The following GREM2 variants were observed in gnomAD, a reference collection of about 807,000 sequenced individuals.
The protein encoded by GREM2 is gremlin 2, DAN family BMP antagonist.
GREM2 carries 11 observed loss-of-function variants against 14.2 expected under a neutral mutation model. The ratio of observed to expected loss-of-function variants is 0.78; its 90% CI spans 0.49 to 1.28. The LOEUF (loss-of-function observed/expected upper bound fraction) is 1.28. GREM2 is among the 50% of genes most tolerant of loss of function. The probability of loss-of-function intolerance (pLI) is 0.00; values close to 1 mark genes in which losing one functional copy is unlikely to be tolerated. For missense variants in GREM2, 210 were observed against 218.5 expected, an observed-to-expected ratio of 0.96 and a Z score of 0.24; for synonymous variants, 98 against 97.6, an observed-to-expected ratio of 1.00 and a Z score of -0.02.
intron 1 of GREM2, among the ~76,000 whole-genome samples, chr1:240,594,996 C>T (rs1370264724): frequency 6.6e-6 from 1 of 152,154 alleles, no homozygotes; most frequent in East Asian, 1.9e-4. Flanking sequence ...ATCATATATG[C>T]AGTTTGTCTT....
At chr1:240,609,045 C>A (rs1371836978) in intron 1 of GREM2, among the ~76,000 whole-genome samples, 1 of 152,232 alleles carries the variant, frequency 6.6e-6, no homozygotes, top group East Asian at 1.9e-4. Context: ...TTCAGGATGT[C>A]TCATCAAAAA....
chr1:240,509,660 A>G lies in GREM2; in HGVS notation c.-1-16184T>C, dbSNP rs568866181. Among the ~76,000 whole-genome samples, 66 of 151,906 alleles carry G rather than the reference A, an allele frequency of 4.3e-4. No individual in the cohort carries two copies. In the South Asian group the frequency reaches 0.011, roughly 25 times the overall value. On this transcript the variant is annotated intron_variant, in intron 1 of 1. Transcript: ENST00000318160. Reference sequence around the variant, plus strand: ...TGGGATTACAGGCATGAGCCACTGCACCCGGTGCTCATTTGACTCTTATGA... The same window carrying G: ...TGGGATTACAGGCATGAGCCACTGCGCCCGGTGCTCATTTGACTCTTATGA...
chr1:240,568,417 G>A (rs1679203993), intron 1 of GREM2, among the ~76,000 whole-genome samples: 1 of 151,896 alleles, frequency 6.6e-6, no homozygotes, highest in East Asian at 1.9e-4. Context: ...GAAGTAAAGT[G>A]GAACAAAGAA....
chr1:240,510,242 C>T (rs1056033248), intron 1 of GREM2, among the ~76,000 whole-genome samples: 44 of 151,662 alleles, frequency 2.9e-4, no homozygotes, highest in Non-Finnish European at 4.6e-4. Context: ...TGGTGGCGGG[C>T]GCCTGTAGTC....
chr1:240,569,981 G>A (rs1327337963), intron 1 of GREM2, among the ~76,000 whole-genome samples: 2 of 152,078 alleles, frequency 1.3e-5, no homozygotes, highest in Non-Finnish European at 2.9e-5. Flanking sequence ...TTTGCCTCCT[G>A]CTGGATTTTT....
chr1:240,521,582 A>G (rs1178303986), intron 1 of GREM2, among the ~76,000 whole-genome samples: 2 of 152,242 alleles, frequency 1.3e-5, no homozygotes, highest in Admixed American at 1.3e-4. Flanking sequence ...AAAAAAAACA[A>G]AAAAACAAAG....
At chr1:240,500,859 A>G (rs1183430592) in intron 1 of GREM2, among the ~76,000 whole-genome samples, 1 of 152,134 alleles carries the variant, frequency 6.6e-6, no homozygotes, top group Admixed American at 6.5e-5. Flanking sequence ...GTTTTTCTAG[A>G]GGAGGCACCG....
chr1:240,576,514 A>G (rs1412654513), intron 1 of GREM2, among the ~76,000 whole-genome samples: 1 of 152,160 alleles, frequency 6.6e-6, no homozygotes, highest in Non-Finnish European at 1.5e-5. Flanking sequence ...GTTTCGTTAC[A>G]AAACTTTTTT....
intron 1 of GREM2, among the ~76,000 whole-genome samples, chr1:240,538,598 G>T (rs978507282): frequency 3.3e-5 from 5 of 151,960 alleles, no homozygotes. Flanking sequence ...TGTGCCTATA[G>T]TCCCAGCGAC....
intron 1 of GREM2, among the ~76,000 whole-genome samples, chr1:240,514,817 T>G (rs6693810): frequency 0.39 from 60,009 of 151,976 alleles, 12,195 homozygotes; most frequent in East Asian, 0.72. Flanking sequence ...GAAGGATAGT[T>G]TGAACCCAAG....
intron 1 of GREM2, among the ~76,000 whole-genome samples, chr1:240,510,248 T>C (rs1313925977): frequency 6.6e-6 from 1 of 151,664 alleles, no homozygotes; most frequent in Non-Finnish European, 1.5e-5. Flanking sequence ...CGGGCGCCTG[T>C]AGTCCCAGCT....
intron 1 of GREM2, among the ~76,000 whole-genome samples, chr1:240,511,772 G>A (rs1302327083): frequency 6.6e-6 from 1 of 152,116 alleles, no homozygotes; most frequent in African/African-American, 2.4e-5. Flanking sequence ...AAGAAAAAAG[G>A]GACTTGAGCG....
At chr1:240,524,817 A>C (rs1678187831) in intron 1 of GREM2, among the ~76,000 whole-genome samples, 1 of 152,144 alleles carries the variant, frequency 6.6e-6, no homozygotes, top group Non-Finnish European at 1.5e-5. Context: ...AAAAATAGAC[A>C]TATCAGCAGG....
intron 1 of GREM2, among the ~76,000 whole-genome samples, chr1:240,583,072 C>T (rs956460826): frequency 6.6e-6 from 1 of 152,008 alleles, no homozygotes; most frequent in Non-Finnish European, 1.5e-5. Context: ...TTTAGGATTC[C>T]GTTTTGCCTG....
At chr1:240,525,885 A>G (rs1335227045) in intron 1 of GREM2, among the ~76,000 whole-genome samples, 1 of 152,170 alleles carries the variant, frequency 6.6e-6, no homozygotes, top group African/African-American at 2.4e-5. Context: ...AAGTTCTAGG[A>G]GAGAATCATT....
chr1:240,601,822 G>A (rs540916412), intron 1 of GREM2, among the ~76,000 whole-genome samples: 3 of 150,828 alleles, frequency 2.0e-5, no homozygotes, highest in East Asian at 2.0e-4. Flanking sequence ...CAGGAGAATC[G>A]CTTGAACCCG....
chr1:240,586,228 A>T (rs1426586740), intron 1 of GREM2, among the ~76,000 whole-genome samples: 1 of 152,234 alleles, frequency 6.6e-6, no homozygotes, highest in Non-Finnish European at 1.5e-5. Flanking sequence ...AATGACTGTC[A>T]TCTGCCAAGA....
intron 1 of GREM2, among the ~76,000 whole-genome samples, chr1:240,536,935 CAAG>C (rs1370563551): frequency 1.3e-5 from 2 of 152,130 alleles, no homozygotes; most frequent in Admixed American, 1.3e-4. Context: ...CCAAGCAAAG[CAAG>C]AATACTAAGC....
At chr1:240,561,879 C>G (rs1251017059) in intron 1 of GREM2, among the ~76,000 whole-genome samples, 1 of 152,090 alleles carries the variant, frequency 6.6e-6, no homozygotes, top group East Asian at 1.9e-4. Flanking sequence ...GAATAAGAAG[C>G]TTTTCCAAAA....
Sources: allele counts gnomAD v4.1 joint callset (sites outside exome capture counted in the v4.1 genomes callset), GRCh38; gene constraint gnomAD v4.1.1; transcripts MANE v1.5; gene names NCBI Gene and HGNC (gene_info 2026-07-23, HGNC 2026-07-21).